CCDC141: variants seen among roughly 807,000 people sequenced by gnomAD.
CCDC141 encodes coiled-coil domain-containing protein 141.
Under a neutral mutation model 181.0 loss-of-function variants are expected in CCDC141, and 168 were observed. The observed-to-expected ratio is 0.93, with a 90% CI of 0.82 to 1.05. CCDC141 has a LOEUF of 1.05. CCDC141 is among the 50% of genes least tolerant of loss of function. CCDC141 has a pLI of 0.00. For synonymous variants in CCDC141, 666 were observed against 642.3 expected (o/e 1.04, Z -0.56); for missense variants, 1,902 against 1,788.5 (o/e 1.06, Z -1.14).
Position 178,872,205 on chromosome 2 carries a change from T to C in CCDC141, c.2007A>G (p.Ala669=), listed in dbSNP as rs753430834. 3.1e-6 allele frequency: 5 copies of C among 1,613,972 alleles called. No individual in the cohort carries two copies. Among genetic ancestry groups the C allele is most frequent in the Middle Eastern group, 1.6e-4 (1 of 6,082 alleles). ...EREELSLLRL[A]WQLKATESKP... ...TGCTTTCCGTGGCTTTAAGCTGCCA[T>C]GCCAGCCGAAGGAGGCTAAGTTCTT... The change falls in exon 13 of 24, where the codon GCA becomes GCG. Residue 669 remains alanine (A), a synonymous_variant. Transcript: ENST00000443758.
chr2:178,819,201 A>G, the CCDC141 span, among the ~76,000 whole-genome samples: 1 of 152,336 alleles, frequency 6.6e-6, no homozygotes, highest in South Asian at 2.1e-4. Flanking sequence ...TTGCCAAAAA[A>G]TGATAACCTA....
chr2:178,885,324 A>C (rs546704985), intron 10 of CCDC141, among the ~76,000 whole-genome samples: 2 of 152,176 alleles, frequency 1.3e-5, no homozygotes, highest in African/African-American at 2.4e-5. Flanking sequence ...TATTTTGAGC[A>C]CTCTATTTTC....
At chr2:178,865,624 G>T (rs1685810466) in intron 17 of CCDC141, 143 bp downstream of exon 17, 6 of 813,176 alleles carry the variant, frequency 7.4e-6, no homozygotes, top group Middle Eastern at 4.3e-4. Context: ...TGGATTAAAA[G>T]AAATAAGTGA....
intron 22 of CCDC141, among the ~76,000 whole-genome samples, chr2:178,840,118 C>T (rs1213456737): frequency 1.3e-5 from 2 of 152,188 alleles, no homozygotes; most frequent in Non-Finnish European, 2.9e-5. Context: ...AGCTGCTCTC[C>T]AACTTTAATA....
At chr2:179,015,776 CAT>C (rs1409880535) in intron 2 of CCDC141, among the ~76,000 whole-genome samples, 1 of 136,542 alleles carries the variant, frequency 7.3e-6, no homozygotes, top group East Asian at 2.1e-4. Flanking sequence ...ATATATATCT[CAT>C]ATATGTATCA....
intron 2 of CCDC141, among the ~76,000 whole-genome samples, chr2:178,999,905 C>A (rs1332978842): frequency 6.6e-6 from 1 of 152,076 alleles, no homozygotes; most frequent in Non-Finnish European, 1.5e-5. Flanking sequence ...AAAGCACTTT[C>A]CACCATCATA....
chr2:178,980,003 A>T (rs1186805414), intron 2 of CCDC141, among the ~76,000 whole-genome samples: 3 of 152,202 alleles, frequency 2.0e-5, no homozygotes, highest in Non-Finnish European at 2.9e-5. Context: ...TAAATTATTT[A>T]AAAAATAAAC....
At position 178,992,923 on chromosome 2, in the gene CCDC141, T is replaced by C. The variant is rs192404693; in HGVS notation, c.226-14248A>G. 2.8e-3 allele frequency among the ~76,000 whole-genome samples: 433 copies of C among 152,278 alleles called. 4 individuals carry two copies. Among genetic ancestry groups the C allele is most frequent in the African/African-American group, 9.7e-3 (402 of 41,572 alleles). On this transcript the variant is annotated intron_variant, in intron 2 of 23. Coordinates refer to ENST00000443758, the MANE Select transcript of CCDC141 (RefSeq NM_173648.4). ...TCGGCACTTCTCTTTGCTGCCACCATGTGAGGAAGGATGTGTTTGCATCCC... is the reference window on the plus strand; with the variant it reads ...TCGGCACTTCTCTTTGCTGCCACCACGTGAGGAAGGATGTGTTTGCATCCC...
At chr2:178,954,825 A>AAC (rs1212231521) in intron 5 of CCDC141, among the ~76,000 whole-genome samples, 1 of 144,936 alleles carries the variant, frequency 6.9e-6, no homozygotes, top group Admixed American at 6.8e-5. Flanking sequence ...AAAAAAAACC[A>AAC]AAAAACTTTG....
chr2:178,923,313 C>T lies in CCDC141; in HGVS notation c.898-4406G>A, dbSNP rs570373257. ...TAGAGACGGGGTTTCACCATTTTAG[C>T]CGGGATGGTCTCGATCTCCTGACCT... On this transcript the variant is annotated intron_variant, in intron 6 of 23. Transcript: ENST00000443758. 2.3e-3 allele frequency among the ~76,000 whole-genome samples: 353 copies of T among 151,898 alleles called. 1 individual carries two copies. Among genetic ancestry groups the T allele is most frequent in the African/African-American group, 8.0e-3 (331 of 41,434 alleles).
chr2:178,824,364 G>T, the CCDC141 span, among the ~76,000 whole-genome samples: 1 of 152,070 alleles, frequency 6.6e-6, no homozygotes, highest in Non-Finnish European at 1.5e-5. Context: ...AGGCACAGTG[G>T]CTCACGCCAG....
rs185195375 is a variant in CCDC141, at chr2:178,897,257, T to G, written c.1265+8072A>C. ...CATAAGCACCACAAACATGGACACT[T>G]CACCTGTCACATTCGATGCTTGGAA... On this transcript the variant is annotated intron_variant, in intron 8 of 23. Coordinates refer to ENST00000443758, the MANE Select transcript of CCDC141 (RefSeq NM_173648.4). Among the ~76,000 whole-genome samples, 292 of 152,304 alleles carry G rather than the reference T, an allele frequency of 1.9e-3. 6 individuals are homozygous for G. The South Asian group carries it at 0.022, about 11-fold the overall frequency.
chr2:178,941,565 C>T (rs1402902225), intron 6 of CCDC141, among the ~76,000 whole-genome samples: 2 of 151,826 alleles, frequency 1.3e-5, no homozygotes, highest in Non-Finnish European at 2.9e-5. Flanking sequence ...ATAGCTCAAC[C>T]CATAGTTTGG....
rs144845915 is a variant in CCDC141 at position 179,042,149 on chromosome 2, A to G, written c.225+5135T>C. On this transcript the variant is annotated intron_variant, in intron 2 of 23. Coordinates refer to ENST00000443758, the MANE Select transcript of CCDC141 (RefSeq NM_173648.4). ...ATTGCCACATGGCGCTTACTTTAAA[A>G]TTGATCACATAATTGAAGTAAAACA... Among the ~76,000 whole-genome samples, 240 of 152,348 alleles carry G rather than the reference A, an allele frequency of 1.6e-3. No individual in the cohort carries two copies. The South Asian group carries it at 0.016, about 10-fold the overall frequency.
intron 5 of CCDC141, among the ~76,000 whole-genome samples, chr2:178,955,571 TC>T (rs773549235): frequency 3.3e-5 from 5 of 152,112 alleles, no homozygotes; most frequent in Non-Finnish European, 7.3e-5. Context: ...ATGATTTTTT[TC>T]AATGTAACAA....
At chr2:178,821,736 A>G in the CCDC141 span, among the ~76,000 whole-genome samples, 34 of 152,282 alleles carry the variant, frequency 2.2e-4, no homozygotes, top group Admixed American at 7.8e-4. Context: ...TTAGAATGGC[A>G]ATCATTAAAA....
At chr2:178,937,522 A>T (rs1689339169) in intron 6 of CCDC141, among the ~76,000 whole-genome samples, 1 of 152,054 alleles carries the variant, frequency 6.6e-6, no homozygotes, top group Non-Finnish European at 1.5e-5. Flanking sequence ...TTCTGCATCA[A>T]TATTCATCAA....
chr2:178,991,435 T>G (rs932430030), intron 2 of CCDC141, among the ~76,000 whole-genome samples: 11 of 152,134 alleles, frequency 7.2e-5, no homozygotes, highest in African/African-American at 2.7e-4. Flanking sequence ...TCAAAATTTT[T>G]TTTAACTTTT....
intron 6 of CCDC141, among the ~76,000 whole-genome samples, chr2:178,927,549 G>C (rs1254498436): frequency 6.6e-6 from 1 of 152,064 alleles, no homozygotes; most frequent in African/African-American, 2.4e-5. Flanking sequence ...GTGTTATCAA[G>C]AGAATGTGGA....
Sources: allele counts gnomAD v4.1 joint callset (sites outside exome capture counted in the v4.1 genomes callset), GRCh38; gene constraint gnomAD v4.1.1; transcripts MANE v1.5; gene names NCBI Gene and HGNC (gene_info 2026-07-23, HGNC 2026-07-21).